S100A16: variants seen among roughly 807,000 people sequenced by gnomAD.
S100A16 encodes protein S100-A16.
A neutral mutation model predicts 9.0 loss-of-function variants in S100A16; 8 were observed. That is an observed-to-expected ratio of 0.89 (90% CI 0.52 to 1.60). The LOEUF is 1.60. Among genes scored for constraint, S100A16 ranks in the 40% most tolerant of loss-of-function variants. The pLI is 0.00. For missense variants in S100A16, 138 were observed against 132.4 expected, an observed-to-expected ratio of 1.04 and a Z score of -0.21; for synonymous variants, 51 against 51.4, an observed-to-expected ratio of 0.99 and a Z score of 0.04.
intron 1 of S100A16, among the ~76,000 whole-genome samples, chr1:153,612,694 C>G (rs915483042): frequency 6.6e-6 from 1 of 152,106 alleles, no homozygotes; most frequent in South Asian, 2.1e-4. Flanking sequence ...AGAGGAGCTC[C>G]GTCAGCTGCT....
At chr1:153,608,722 C>A (rs948424464) in intron 1 of S100A16, among the ~76,000 whole-genome samples, 16 of 152,208 alleles carry the variant, frequency 1.1e-4, no homozygotes, top group Admixed American at 9.8e-4. Context: ...GACAGTGAGT[C>A]CCGGGTCTCA....
Position 153,607,403 on chromosome 1 carries a change from G to T in S100A16, c.*131C>A. ...CACAAAGGGACCCCAGTTCAGCAAG[G>T]GTCAGAGGAAGGTCTGGAGGGAGAA... On this transcript the variant is annotated 3_prime_UTR_variant, in exon 3 of 3. Transcript: ENST00000368706. The T allele has an allele frequency of 2.9e-6, 3 of 1,037,152 alleles. No individual in the cohort carries two copies. Among genetic ancestry groups the T allele is most frequent in the Non-Finnish European group, 4.3e-6 (3 of 698,624 alleles). The allele number at this position is 1,037,152 out of a possible 1,614,324, so 64.2% of individuals were successfully genotyped here. A position where few individuals can be genotyped will look rare whatever the true frequency, so the allele number is the denominator to read the frequency against.
chr1:153,612,158 G>A (rs961822887), intron 1 of S100A16, among the ~76,000 whole-genome samples: 1 of 151,390 alleles, frequency 6.6e-6, no homozygotes, highest in African/African-American at 2.4e-5. Context: ...AGAATGTGGG[G>A]AAAGGCAGAG....
At position 153,607,628 on chromosome 1, in the gene S100A16, C is replaced by A; in HGVS notation, c.218G>T (p.Arg73Leu). ...IQNLDANHDG[R>L]ISFDEYWTLI... ...GGTCCAGTACTCATCGAAGCTGATG[C>A]GCCCATCATGATTGGCATCCAGGTT... The change falls in exon 3 of 3, where the codon CGC (arginine) becomes CTC (leucine). Residue 73 changes from arginine (R) to leucine (L), a missense_variant. Transcript: ENST00000368706. 1.9e-6 allele frequency: 3 copies of A among 1,614,162 alleles called. No individual in the cohort carries two copies. The highest frequency in any genetic ancestry group is 2.5e-6 in the Non-Finnish European group (3 of 1,179,992).
Position 153,607,361 on chromosome 1 carries a change from C to T in S100A16, c.*173G>A. ...TGAGACCCCCCAGGGAGGGAGGTAC[C>T]TCTAGACTGAGACACTCACAAAGGG... On this transcript the variant is annotated 3_prime_UTR_variant, in exon 3 of 3. Coordinates refer to ENST00000368706, the MANE Select transcript of S100A16 (RefSeq NM_080388.3). The T allele has an allele frequency of 3.9e-6, 3 of 771,380 alleles. No individual in the cohort carries two copies. Among genetic ancestry groups the T allele is most frequent in the Non-Finnish European group, 6.1e-6 (3 of 488,154 alleles). The allele number at this position is 771,380 out of a possible 1,614,324, so 47.8% of individuals were successfully genotyped here. A position where few individuals can be genotyped will look rare whatever the true frequency, so the allele number is the denominator to read the frequency against.
chr1:153,611,856 G>GGTTGTGAGGTAACCC (rs56366330), intron 1 of S100A16, among the ~76,000 whole-genome samples: 67,849 of 150,644 alleles, frequency 0.45, 16,147 homozygotes, highest in East Asian at 0.68. Flanking sequence ...GGCCTGCTTG[G>GGTTGTGAGGTAACCC]CCCTGCCTCA....
chr1:153,609,471 G>T, intron 1 of S100A16: 1 of 541,204 alleles, frequency 1.8e-6, no homozygotes, highest in Non-Finnish European at 2.4e-6. Context: ...TCCCACAGAC[G>T]TGTCTGTCAT....
At chr1:153,612,389 TCTC>T (rs1666857456) in intron 1 of S100A16, among the ~76,000 whole-genome samples, 1 of 151,860 alleles carries the variant, frequency 6.6e-6, no homozygotes, top group South Asian at 2.1e-4. Context: ...TCCTCCCAGA[TCTC>T]ATCATCCCTC....
intron 1 of S100A16, among the ~76,000 whole-genome samples, chr1:153,612,127 C>G (rs1339449287): frequency 1.3e-5 from 2 of 151,948 alleles, no homozygotes; most frequent in Admixed American, 1.3e-4. Context: ...CACAGCTACC[C>G]CAGCCTCAAC....
chr1:153,608,315 G>A, intron 1 of S100A16, 138 bp from the exon 2 acceptor site: 1 of 683,194 alleles, frequency 1.5e-6, no homozygotes, highest in East Asian at 2.7e-5. Context: ...AGGAAAAGGG[G>A]AACAGAGTGG....
chr1:153,611,920 C>CACACACAA (rs1179808972), intron 1 of S100A16, among the ~76,000 whole-genome samples: 44 of 117,876 alleles, frequency 3.7e-4, no homozygotes, highest in African/African-American at 2.1e-3. Context: ...CTCTCTCTCA[C>CACACACAA]ACACACACAC....
chr1:153,610,248 C>G (rs557845510), intron 1 of S100A16, among the ~76,000 whole-genome samples: 2 of 152,288 alleles, frequency 1.3e-5, no homozygotes, highest in South Asian at 4.1e-4. Context: ...CCACTCCCAA[C>G]CAAGACTTGG....
At position 153,613,096 on chromosome 1, in the gene S100A16, C is replaced by T. The variant is rs1271266543; in HGVS notation, c.-171G>A. ...TCCCACTCCCTCCCAGCCCTGCCCG[C>T]TGAGCTGGCTCGGTGGGGAGATAGT... On this transcript the variant is annotated 5_prime_UTR_variant, in exon 1 of 3. Transcript: ENST00000368706. The T allele has an allele frequency of 6.6e-6, 1 of 152,428 alleles. No individual in the cohort carries two copies. Among genetic ancestry groups the T allele is most frequent in the Non-Finnish European group, 1.5e-5 (1 of 68,218 alleles). 9.4% of individuals were successfully genotyped at this position (152,428 alleles called of 1,614,324 possible). A position where few individuals can be genotyped will look rare whatever the true frequency, so the allele number is the denominator to read the frequency against.
chr1:153,608,428 C>G (rs1304310209), intron 1 of S100A16: 4 of 440,598 alleles, frequency 9.1e-6, no homozygotes, highest in Non-Finnish European at 1.6e-5. Context: ...TGCCCCAGCC[C>G]CAGGCACCAG....
chr1:153,608,943 C>T (rs1666771226), intron 1 of S100A16: 4 of 985,836 alleles, frequency 4.1e-6, no homozygotes, highest in Non-Finnish European at 4.8e-6. Flanking sequence ...TGGAGTCGGA[C>T]TCTGGACACA....
chr1:153,612,654 G>C (rs1666862980), intron 1 of S100A16, among the ~76,000 whole-genome samples: 1 of 152,034 alleles, frequency 6.6e-6, no homozygotes, highest in African/African-American at 2.4e-5. Context: ...GAGTAGCTGT[G>C]GTCAAAGCTT....
rs921328082 is a variant in S100A16, at chr1:153,611,329, C to T, written c.-27+1623G>A. 6.7e-5 allele frequency among the ~76,000 whole-genome samples: 10 copies of T among 148,530 alleles called. No individual in the cohort carries two copies. In the Admixed American group the frequency reaches 6.8e-4, roughly 10 times the overall value. ...CCTTCCGTCTGGAGCTCCAAACATC[C>T]ACCACACCGTCCTAAGTCCACCTTC... On this transcript the variant is annotated intron_variant, in intron 1 of 2. Transcript: ENST00000368706.
intron 2 of S100A16, 95 bp from the exon 3 acceptor site, chr1:153,607,787 A>G: frequency 6.8e-7 from 1 of 1,480,738 alleles, no homozygotes; most frequent in East Asian, 2.3e-5. Context: ...TGGCCTGCAC[A>G]GCTGCTTCCC....
In S100A16 at chr1:153,607,594, G is replaced by T. The variant is rs745980799; in HGVS notation, c.252C>A (p.Gly84=). The T allele has an allele frequency of 6.2e-7, 1 of 1,614,180 alleles. No individual in the cohort carries two copies. The change falls in exon 3 of 3, where the codon GGC becomes GGA. Residue 84 remains glycine (G), a synonymous_variant. Transcript: ENST00000368706. ...GTTTGGCGATGGGGCCGGTGATGCC[G>T]CCTATCAAGGTCCAGTACTCATCGA... The part of the protein sequence containing the change: ...ISFDEYWTLI[G]GITGPIAKLI...
Sources: allele counts gnomAD v4.1 joint callset (sites outside exome capture counted in the v4.1 genomes callset), GRCh38; gene constraint gnomAD v4.1.1; transcripts MANE v1.5; gene names NCBI Gene and HGNC (gene_info 2026-07-23, HGNC 2026-07-21).